Variants in UBE2E2 observed in about 807,000 individuals in gnomAD.
The protein encoded by UBE2E2 is ubiquitin conjugating enzyme E2 E2.
A neutral mutation model predicts 24.7 loss-of-function variants in UBE2E2; 6 were observed. The ratio of observed to expected loss-of-function variants is 0.24; its 90% confidence interval spans 0.13 to 0.48. The LOEUF is 0.48. Ranked by LOEUF, UBE2E2 falls within the 20% of genes least tolerant of loss-of-function variation. The pLI is 0.99. For missense variants in UBE2E2, 169 were observed against 245.0 expected (o/e 0.69, Z 2.07); for synonymous variants, 104 against 83.6 (o/e 1.24, Z -1.33).
At chr3:23,361,880 T>A (rs76173129) in intron 3 of UBE2E2, among the ~76,000 whole-genome samples, 4,445 of 152,302 alleles carry the variant, frequency 0.029, 112 homozygotes, top group East Asian at 0.13. Flanking sequence ...GAACCATTTT[T>A]TAGAAAATCA....
chr3:23,323,725 T>C (rs1694809274), intron 3 of UBE2E2: 1 of 247,812 alleles, frequency 4.0e-6, no homozygotes, highest in African/African-American at 2.4e-5. Flanking sequence ...TTTTTCCCTT[T>C]TAGCAAACTC....
intron 3 of UBE2E2, among the ~76,000 whole-genome samples, chr3:23,311,711 A>G (rs1346580277): frequency 6.6e-6 from 1 of 152,222 alleles, no homozygotes; most frequent in Non-Finnish European, 1.5e-5. Flanking sequence ...GAATTTCTCT[A>G]GTTTTTAGTT....
intron 4 of UBE2E2, among the ~76,000 whole-genome samples, chr3:23,527,587 A>G (rs764372606): frequency 2.0e-5 from 3 of 152,184 alleles, no homozygotes; most frequent in Non-Finnish European, 2.9e-5. Flanking sequence ...TCATGTCACA[A>G]TCATGTGATT....
At chr3:23,260,861 T>C (rs1697878020) in intron 3 of UBE2E2, among the ~76,000 whole-genome samples, 1 of 152,014 alleles carries the variant, frequency 6.6e-6, no homozygotes, top group South Asian at 2.1e-4. Context: ...ATCTGAGCAA[T>C]TTGAGAGGCT....
intron 3 of UBE2E2, among the ~76,000 whole-genome samples, chr3:23,245,772 G>A (rs2125341374): frequency 6.6e-6 from 1 of 152,206 alleles, no homozygotes; most frequent in East Asian, 1.9e-4. Flanking sequence ...CTTTTATGAG[G>A]TCTACCAAAT....
intron 5 of UBE2E2, among the ~76,000 whole-genome samples, chr3:23,545,523 T>C (rs1038661381): frequency 1.3e-5 from 2 of 152,142 alleles, no homozygotes; most frequent in Non-Finnish European, 2.9e-5. Flanking sequence ...ATTAACAGAA[T>C]CTCAAGGCAG....
rs887754373 is a variant in UBE2E2, at chr3:23,280,002, A to G, written c.227+62690A>G. Among the ~76,000 whole-genome samples the G allele has an allele frequency of 3.3e-5, 5 of 152,230 alleles. No individual in the cohort carries two copies. The highest frequency in any genetic ancestry group is 6.5e-5 in the Admixed American group (1 of 15,284). On this transcript the variant is annotated intron_variant, in intron 3 of 5. Transcript: ENST00000396703. This position sits in a 1 kb window ranked among gnomAD's most constrained non-coding sequence, Gnocchi z 4.3. Reference sequence around the variant, plus strand: ...TACCATTCACCAATGCTTAAGATCAATTAATAGTAGACATTGTCTCTCATT... The same window carrying G: ...TACCATTCACCAATGCTTAAGATCAGTTAATAGTAGACATTGTCTCTCATT...
At chr3:23,417,558 T>C (rs1476217130) in intron 3 of UBE2E2, among the ~76,000 whole-genome samples, 4 of 152,216 alleles carry the variant, frequency 2.6e-5, no homozygotes, top group Non-Finnish European at 4.4e-5. Flanking sequence ...GGAGGCGGTC[T>C]GTCCCTTAGC....
intron 3 of UBE2E2, among the ~76,000 whole-genome samples, chr3:23,331,905 G>A (rs1335454802): frequency 6.6e-6 from 1 of 152,174 alleles, no homozygotes; most frequent in Non-Finnish European, 1.5e-5. Flanking sequence ...CTTAGTAAAT[G>A]ACAGCAGAAA....
At chr3:23,328,212 A>G (rs1166694997) in intron 3 of UBE2E2, among the ~76,000 whole-genome samples, 4 of 152,360 alleles carry the variant, frequency 2.6e-5, no homozygotes, top group East Asian at 3.9e-4. Flanking sequence ...CCTAATTTGC[A>G]AAATAAAAAA....
At position 23,300,213 on chromosome 3, in the gene UBE2E2, C is replaced by G. The variant is rs1699032033; in HGVS notation, c.227+82901C>G. Among the ~76,000 whole-genome samples, 5 of 152,178 alleles carry G rather than the reference C, an allele frequency of 3.3e-5. No individual in the cohort carries two copies. In the South Asian group the frequency reaches 1.0e-3, roughly 32 times the overall value. On this transcript the variant is annotated intron_variant, in intron 3 of 5. Coordinates refer to ENST00000396703, the MANE Select transcript of UBE2E2 (RefSeq NM_152653.4). ...AGATGGGTTTCCTGAATACAGCACA[C>G]TGGTGGGTCTTGACTCTTTATCCAA...
intron 3 of UBE2E2, among the ~76,000 whole-genome samples, chr3:23,374,298 G>A (rs571986291): frequency 3.9e-5 from 6 of 152,214 alleles, no homozygotes; most frequent in African/African-American, 1.4e-4. Flanking sequence ...AGAGATATTG[G>A]TTTTAGGAGA....
chr3:23,385,923 T>G (rs1696795485), intron 3 of UBE2E2, among the ~76,000 whole-genome samples: 1 of 152,244 alleles, frequency 6.6e-6, no homozygotes, highest in South Asian at 2.1e-4. Context: ...TTTGTTTTTA[T>G]TATTATGATT....
chr3:23,231,792 C>G (rs1205884568), intron 3 of UBE2E2, among the ~76,000 whole-genome samples: 4 of 152,118 alleles, frequency 2.6e-5, no homozygotes, highest in Middle Eastern at 3.2e-3. Flanking sequence ...ACTCAGGGAA[C>G]CATGTTTGCC....
At chr3:23,448,131 CA>C (rs1698475307) in intron 3 of UBE2E2, among the ~76,000 whole-genome samples, 1 of 151,836 alleles carries the variant, frequency 6.6e-6, no homozygotes, top group Admixed American at 6.6e-5. Flanking sequence ...CTGTGGATAT[CA>C]GGGTCTTTTA....
chr3:23,204,541 A>G (rs1696093979), intron 1 of UBE2E2: 1 of 249,964 alleles, frequency 4.0e-6, no homozygotes, highest in South Asian at 1.5e-4. Flanking sequence ...ATATGTGATA[A>G]TTCAGTCTGG....
At chr3:23,243,125 C>A (rs1437192822) in intron 3 of UBE2E2, among the ~76,000 whole-genome samples, 1 of 151,642 alleles carries the variant, frequency 6.6e-6, no homozygotes, top group Non-Finnish European at 1.5e-5. Context: ...AAATAGTTAT[C>A]ACTGAATAGA....
chr3:23,555,330 T>A (rs531592517), intron 5 of UBE2E2, among the ~76,000 whole-genome samples: 1 of 152,148 alleles, frequency 6.6e-6, no homozygotes, highest in Admixed American at 6.6e-5. Flanking sequence ...CTATGAGATA[T>A]CACCTCGCAC....
intron 3 of UBE2E2, among the ~76,000 whole-genome samples, chr3:23,256,678 C>T (rs1323041236): frequency 6.9e-6 from 1 of 145,638 alleles, no homozygotes; most frequent in African/African-American, 2.4e-5. Context: ...CAGTAGCATG[C>T]TGTATTTTCT....
Sources: allele counts gnomAD v4.1 joint callset (sites outside exome capture counted in the v4.1 genomes callset), GRCh38; gene constraint gnomAD v4.1.1; non-coding constraint Gnocchi (gnomAD v3.1); transcripts MANE v1.5; gene names NCBI Gene and HGNC (gene_info 2026-07-23, HGNC 2026-07-21).